NCL: variants seen among roughly 807,000 people sequenced by gnomAD.
NCL encodes nucleolin multifunctional protein.
Under a neutral mutation model 77.7 loss-of-function variants are expected in NCL, and 4 were observed. That is an observed-to-expected ratio of 0.05 (90% confidence interval 0.03 to 0.12). The LOEUF (loss-of-function observed/expected upper bound fraction) is 0.12, where lower values mean the gene tolerates loss of function less well. NCL is among the 10% of genes least tolerant of loss of function. The pLI is 1.00. For missense variants in NCL, 763 were observed against 860.9 expected, an observed-to-expected ratio of 0.89 and a Z score of 1.42; for synonymous variants, 344 against 297.8, an observed-to-expected ratio of 1.16 and a Z score of -1.60.
intron 11 of NCL, 179 bp downstream of exon 11, chr2:231,456,452 G>C: frequency 2.5e-6 from 3 of 1,183,132 alleles, no homozygotes; most frequent in Non-Finnish European, 3.8e-6. Context: ...AGCTGGATCA[G>C]AACTTGACTA....
At position 231,463,214 on chromosome 2, in the gene NCL, T is replaced by TATCATCTTC. The variant is rs750333055; in HGVS notation, c.112_120dup (p.Glu38_Asp40dup). ...GATAAAATTACCTCTTCTCCACTGC[T>TATCATCTTC]ATCATCTTCTTCATCTTCTGACATT... is the stretch of plus-strand genomic sequence containing the variant. On this transcript the variant is annotated inframe_insertion, in exon 2 of 14. Transcript: ENST00000322723. 21 of 1,607,242 alleles carry TATCATCTTC rather than the reference T, an allele frequency of 1.3e-5. 1 individual carries two copies. In the South Asian group the frequency reaches 1.9e-4, roughly 14 times the overall value.
At position 231,454,007 on chromosome 2, in the gene NCL, G is replaced by A. The variant is rs143373321; in HGVS notation, c.*1184C>T. 3.3e-5 allele frequency: 5 copies of A among 152,314 alleles called. No individual in the cohort carries two copies. The highest frequency in any genetic ancestry group is 1.2e-4 in the African/African-American group (5 of 41,552). 9.4% of individuals were successfully genotyped at this position (152,314 alleles called of 1,614,324 possible). On this transcript the variant is annotated 3_prime_UTR_variant, in exon 14 of 14. Transcript: ENST00000322723. ...CTTTTACTAAAAAGGGAGGTTGAGA[G>A]GCAAGTACTTAAGACCAGAAAGAAT... is the stretch of plus-strand genomic sequence containing the variant.
intron 3 of NCL, 42 bp downstream of exon 3, chr2:231,461,498 C>T (rs1253540803): frequency 2.5e-6 from 4 of 1,594,756 alleles, no homozygotes; most frequent in Non-Finnish European, 3.4e-6. Flanking sequence ...CTCAAGATAC[C>T]TTGTAATCAG....
In NCL at chr2:231,460,189, C is replaced by T. The variant is rs569534002; in HGVS notation, c.1003G>A (p.Asp335Asn). 2.5e-6 allele frequency: 4 copies of T among 1,613,990 alleles called. No homozygotes were observed. The highest frequency in any genetic ancestry group is 3.4e-6 in the Non-Finnish European group (4 of 1,180,020). ...ATTCTGACATCCACAACAGCAAGAT[C>T]ATTTTTAGCAAAAACATCGCTGATA... ...TGISDVFAKN[D>N]LAVVDVRIGM... Residue 335 changes from aspartate (D) to asparagine (N), a missense_variant, in exon 6 of 14, where the codon GAT becomes AAT. Physicochemically the swap from Asp to Asn is conservative, Grantham distance 23. Around this residue, in one of 2 missense-constraint regions of NCL, gnomAD observed 590 missense variants for 570.5 expected, o/e 1.03. Coordinates refer to ENST00000322723, the MANE Select transcript of NCL (RefSeq NM_005381.3).
Position 231,458,302 on chromosome 2 carries a change from T to G in NCL, c.1253A>C (p.Glu418Ala). Reference protein sequence around the residue: ...ELKEVFEDAAEIRLVSKDGKS... With the variant: ...ELKEVFEDAAAIRLVSKDGKS... Reference sequence around the variant, plus strand: ...CCCATCCTTGCTGACTAATCTGATCTCCGCAGCATCTTCAAACACTTCTTT... The same window carrying G: ...CCCATCCTTGCTGACTAATCTGATCGCCGCAGCATCTTCAAACACTTCTTT... Residue 418 changes from glutamate (E) to alanine (A), a missense_variant, in exon 8 of 14, where the codon GAG becomes GCG. Physicochemically the swap from Glu to Ala is moderately radical, Grantham distance 107 (BLOSUM62 -1). This residue lies in a region of NCL where 590 missense variants were observed against 570.5 expected (regional missense o/e 1.03). Transcript: ENST00000322723. 1.2e-6 allele frequency: 2 copies of G among 1,614,126 alleles called. No individual in the cohort carries two copies. The highest frequency in any genetic ancestry group is 1.7e-6 in the Non-Finnish European group (2 of 1,179,996).
rs1295483923 is a variant in NCL at position 231,455,397 on chromosome 2, T to A, written c.2056+4A>T. 1 of 1,613,874 alleles carries A rather than the reference T, an allele frequency of 6.2e-7. No homozygotes were observed. Among genetic ancestry groups the A allele is most frequent in the East Asian group, 2.2e-5 (1 of 44,896 alleles). ...TGTGGTGTCATTATCTCTGCGTGCC[T>A]TACCTCCAAAGCCTCCCCGGCCTCT... On this transcript the variant is annotated splice_donor_region_variant and intron_variant, in intron 13 of 13. Coordinates refer to ENST00000322723, the MANE Select transcript of NCL (RefSeq NM_005381.3).
rs547446401 is a variant in NCL, at chr2:231,453,882, G to T, written c.*1309C>A. On this transcript the variant is annotated 3_prime_UTR_variant, in exon 14 of 14. Coordinates refer to ENST00000322723, the MANE Select transcript of NCL (RefSeq NM_005381.3). ...CAGTTTGATTTCACTAGTTGGACTA[G>T]AACAGGTTTTTGGACTTGGCTACCT... The T allele has an allele frequency of 1.3e-5, 2 of 152,244 alleles. No homozygotes were observed. The highest frequency in any genetic ancestry group is 2.9e-5 in the Non-Finnish European group (2 of 68,050). 9.4% of individuals were successfully genotyped at this position (152,244 alleles called of 1,614,324 possible).
rs201409564 is a variant in NCL, at chr2:231,454,846, C to CAAAAAAAAAAAAAAAAAAA, written c.*344_*345insTTTTTTTTTTTTTTTTTTT. 1.1e-4 allele frequency: 11 copies of CAAAAAAAAAAAAAAAAAAA among 97,134 alleles called. No homozygotes were observed. The highest frequency in any genetic ancestry group is 2.2e-4 in the Non-Finnish European group (10 of 44,652). The allele number at this position is 97,134 out of a possible 1,614,324, so 6.0% of individuals were successfully genotyped here. A position where few individuals can be genotyped will look rare whatever the true frequency, so the allele number is the denominator to read the frequency against. ...CTTTTCTTTTACAACCCCACGAACG[C>CAAAAAAAAAAAAAAAAAAA]AAAAAAAAAAAAAACAAAAACAAAA... On this transcript the variant is annotated 3_prime_UTR_variant, in exon 14 of 14. Coordinates refer to ENST00000322723, the MANE Select transcript of NCL (RefSeq NM_005381.3).
At chr2:231,460,057 A>G in intron 6 of NCL, 95 bp downstream of exon 6, 2 of 1,321,426 alleles carry the variant, frequency 1.5e-6, no homozygotes, top group South Asian at 1.4e-5. Flanking sequence ...TACAGTATTC[A>G]TGTTTAACAG....
At chr2:231,456,414 G>A in intron 11 of NCL, 1 of 1,006,196 alleles carries the variant, frequency 9.9e-7, no homozygotes, top group South Asian at 1.3e-5. Context: ...AGGAAATCAT[G>A]GGCAAACTTG....
chr2:231,455,030 G>T lies in NCL; in HGVS notation c.*161C>A. 2.8e-6 allele frequency: 2 copies of T among 710,384 alleles called. No homozygotes were observed. Among genetic ancestry groups the T allele is most frequent in the East Asian group, 5.1e-5 (2 of 39,464 alleles). 44.0% of individuals were successfully genotyped at this position (710,384 alleles called of 1,614,324 possible). On this transcript the variant is annotated 3_prime_UTR_variant, in exon 14 of 14. Transcript: ENST00000322723. ...ATGAATATCCAGTCAAAACCAACACGGTATTGCCCTTGAAATGTTAACTAG... is the reference window on the plus strand; with the variant it reads ...ATGAATATCCAGTCAAAACCAACACTGTATTGCCCTTGAAATGTTAACTAG...
rs752482985 is a variant in NCL at position 231,460,694 on chromosome 2, C to A, written c.786G>T (p.Glu262Asp). 9 of 1,609,860 alleles carry A rather than the reference C, an allele frequency of 5.6e-6. No individual in the cohort carries two copies. The highest frequency in any genetic ancestry group is 7.6e-6 in the Non-Finnish European group (9 of 1,177,376). The change falls in exon 4 of 14, where the codon GAG becomes GAT. Residue 262 changes from glutamate (E) to aspartate (D), a missense_variant. Transcript: ENST00000322723. ...CTTCCTCCTCCTCTTCTTCCTCCTCCTCATCATCTTCATCATCATCATCTT... is the reference window on the plus strand; with the variant it reads ...CTTCCTCCTCCTCTTCTTCCTCCTCATCATCATCTTCATCATCATCATCTT... Reference protein sequence around the residue: ...DDEDDDDEDDEEEEEEEEEEP... With the variant: ...DDEDDDDEDDDEEEEEEEEEP...
At chr2:231,463,115 T>C in intron 2 of NCL, 85 bp downstream of exon 2, 1 of 1,005,364 alleles carries the variant, frequency 9.9e-7, no homozygotes, top group Non-Finnish European at 1.5e-6. Flanking sequence ...TAAAATCTTA[T>C]TTTTGCCACA....
rs750871807 is a variant in NCL at position 231,455,230 on chromosome 2, ACCTCCTCCT to A, written c.2085_2093del (p.Gly696_Gly698del). 6 of 1,613,952 alleles carry A rather than the reference ACCTCCTCCT, an allele frequency of 3.7e-6. No homozygotes were observed. The highest frequency in any genetic ancestry group is 3.3e-5 in the Admixed American group (2 of 59,994). On this transcript the variant is annotated inframe_deletion, in exon 14 of 14. Coordinates refer to ENST00000322723, the MANE Select transcript of NCL (RefSeq NM_005381.3). ...TCTTCTTTCCTTGTGGCTTGTGGTC[ACCTCCTCCT>A]CCTCTGCCTCCTCGGAAGCCTCCTC... is the stretch of plus-strand genomic sequence containing the variant.
At position 231,457,794 on chromosome 2, in the gene NCL, A is replaced by G; in HGVS notation, c.1296T>C (p.Ala432=). ...CAGCTTCTGTCTTAAATTCAATATA[A>G]GCAATCCTGCAATGGAGGGAGAAGA... ...VSKDGKSKGI[A]YIEFKTEADA... The change falls in exon 9 of 14, where the codon GCT becomes GCC. Residue 432 remains alanine (A), a synonymous_variant. Coordinates refer to ENST00000322723, the MANE Select transcript of NCL (RefSeq NM_005381.3). 1 of 1,605,096 alleles carries G rather than the reference A, an allele frequency of 6.2e-7. No individual in the cohort carries two copies.
At chr2:231,463,381 C>A in intron 1 of NCL, 65 bp from the exon 2 acceptor site, 1 of 1,016,174 alleles carries the variant, frequency 9.8e-7, no homozygotes, top group South Asian at 1.3e-5. Context: ...CATATTTTGC[C>A]ATTAGTGTTC....
chr2:231,457,205 A>G lies in NCL; in HGVS notation c.1448-81T>C, dbSNP rs886600573. On this transcript the variant is annotated intron_variant, in intron 9 of 13. Transcript: ENST00000322723. The stretch of plus-strand genomic sequence containing the variant: ...GTCACAACAGTAATATCTTATTCCT[A>G]AGAATTTCAGTGCTTGAGTTAATAT... 5 of 1,577,688 alleles carry G rather than the reference A, an allele frequency of 3.2e-6. No individual in the cohort carries two copies. The Admixed American group carries it at 8.4e-5, about 26-fold the overall frequency.
At chr2:231,461,170 T>G (rs2046945810) in intron 3 of NCL, among the ~76,000 whole-genome samples, 1 of 151,624 alleles carries the variant, frequency 6.6e-6, no homozygotes, top group South Asian at 2.1e-4. Flanking sequence ...TCCCAGCTAC[T>G]CGGGAGGCTG....
chr2:231,455,235 CTCCTCCTCT>C lies in NCL; in HGVS notation c.2080_2088del (p.Arg694_Gly696del). 6.2e-7 allele frequency: 1 copy of C among 1,614,212 alleles called. No individual in the cohort carries two copies. The highest frequency in any genetic ancestry group is 1.1e-5 in the South Asian group (1 of 91,086). On this transcript the variant is annotated inframe_deletion, in exon 14 of 14. Transcript: ENST00000322723. ...TTTCCTTGTGGCTTGTGGTCACCTC[CTCCTCCTCT>C]GCCTCCTCGGAAGCCTCCTCGCCCT... is the stretch of plus-strand genomic sequence containing the variant.
Sources: allele counts gnomAD v4.1 joint callset (sites outside exome capture counted in the v4.1 genomes callset), GRCh38; gene constraint gnomAD v4.1.1; regional missense constraint gnomAD v4.1.1; transcripts MANE v1.5; gene names NCBI Gene and HGNC (gene_info 2026-07-23, HGNC 2026-07-21).